The following NCAM2 variants were observed in gnomAD, a reference collection of about 807,000 sequenced individuals.
NCAM2 encodes the protein neural cell adhesion molecule 2.
A neutral mutation model predicts 98.1 loss-of-function variants in NCAM2; 30 were observed. The ratio of observed to expected loss-of-function variants is 0.31; its 90% CI spans 0.23 to 0.41. The LOEUF (loss-of-function observed/expected upper bound fraction) is 0.41, where lower values mean the gene tolerates loss of function less well. Ranked by LOEUF, NCAM2 falls within the 10% of genes least tolerant of loss-of-function variation. The pLI is 1.00. For missense variants in NCAM2, 867 were observed against 1,005.8 expected, an observed-to-expected ratio of 0.86 and a Z score of 1.87; for synonymous variants, 368 against 342.4, an observed-to-expected ratio of 1.07 and a Z score of -0.83.
chr21:21,355,696 A>G lies in NCAM2; in HGVS notation c.1044+17162A>G, dbSNP rs574244533. 6.6e-5 allele frequency among the ~76,000 whole-genome samples: 10 copies of G among 151,210 alleles called. No individual in the cohort carries two copies. The South Asian group carries it at 2.1e-3, about 32-fold the overall frequency. ...AGTGGCACGACCTCGGCTCACTGCA[A>G]CCTCTGCCTCCCGAGTTCAAATGAT... is the stretch of plus-strand genomic sequence containing the variant. On this transcript the variant is annotated intron_variant, in intron 8 of 17. Transcript: ENST00000400546.
chr21:21,147,032 T>C lies in NCAM2; in HGVS notation c.56-133546T>C, dbSNP rs929016486. On this transcript the variant is annotated intron_variant, in intron 1 of 17. Coordinates refer to ENST00000400546, the MANE Select transcript of NCAM2 (RefSeq NM_004540.5). ...GGACTTCCTGAAATCTCGCGCCCTG[T>C]CCCACTCCGGAACTCATACGGCTGC... The C allele has an allele frequency of 1.9e-5, 17 of 912,812 alleles. No individual in the cohort carries two copies. In the South Asian group the frequency reaches 6.1e-4, roughly 33 times the overall value. The allele number at this position is 912,812 out of a possible 1,614,324, so 56.5% of individuals were successfully genotyped here.
intron 12 of NCAM2, among the ~76,000 whole-genome samples, chr21:21,464,327 G>A (rs554941538): frequency 6.6e-6 from 1 of 152,180 alleles, no homozygotes; most frequent in South Asian, 2.1e-4. Context: ...TGATGTTATA[G>A]CACAGTCTGT....
intron 1 of NCAM2, among the ~76,000 whole-genome samples, chr21:21,205,950 G>T (rs1033333965): frequency 6.6e-6 from 1 of 152,070 alleles, no homozygotes; most frequent in East Asian, 1.9e-4. Context: ...TCATAACTTA[G>T]TTAGTTCCCA....
rs531360152 is a variant in NCAM2 at position 21,050,828 on chromosome 21, G to T, written c.55+52210G>T. Among the ~76,000 whole-genome samples the T allele has an allele frequency of 7.9e-5, 12 of 152,256 alleles. No individual in the cohort carries two copies. The South Asian group carries it at 2.1e-3, about 26-fold the overall frequency. On this transcript the variant is annotated intron_variant, in intron 1 of 17. Coordinates refer to ENST00000400546, the MANE Select transcript of NCAM2 (RefSeq NM_004540.5). ...TGCCATACGTAGACACTACAAATGT[G>T]AACTATTTTAGTTATCATTAGTATT...
At chr21:21,286,491 T>G in intron 4 of NCAM2, 79 bp downstream of exon 4, 1 of 1,426,574 alleles carries the variant, frequency 7.0e-7, no homozygotes, top group East Asian at 2.3e-5. Context: ...ATGTGTCTAG[T>G]TGTAGAAATT....
chr21:21,492,800 A>G (rs1335291315), intron 15 of NCAM2, among the ~76,000 whole-genome samples: 1 of 151,922 alleles, frequency 6.6e-6, no homozygotes, highest in Non-Finnish European at 1.5e-5. Context: ...ACAAAATGTT[A>G]AAAACAAGTA....
chr21:21,136,901 A>AT (rs3071999), intron 1 of NCAM2, among the ~76,000 whole-genome samples: 43,000 of 150,646 alleles, frequency 0.29, 6,257 homozygotes, highest in Admixed American at 0.34. Context: ...TAAATAATTG[A>AT]TTTTTTTTTT....
intron 1 of NCAM2, among the ~76,000 whole-genome samples, chr21:21,090,171 T>C (rs2065984709): frequency 1.3e-5 from 2 of 152,206 alleles, no homozygotes; most frequent in Non-Finnish European, 2.9e-5. Context: ...ATCTTCCTAG[T>C]AATGTGTGTG....
chr21:21,160,113 T>C (rs1194926553), intron 1 of NCAM2, among the ~76,000 whole-genome samples: 1 of 152,078 alleles, frequency 6.6e-6, no homozygotes, highest in Non-Finnish European at 1.5e-5. Flanking sequence ...CTTTTAAATA[T>C]ATGTACCGTG....
chr21:21,151,240 G>A (rs1039583585), intron 1 of NCAM2, among the ~76,000 whole-genome samples: 2 of 151,860 alleles, frequency 1.3e-5, no homozygotes, highest in African/African-American at 4.8e-5. Flanking sequence ...TTATGTTCCA[G>A]AATATTAAGT....
At chr21:21,468,881 G>GCATTTATTACCACAATTAC in intron 14 of NCAM2, 98 bp downstream of exon 14, 1 of 1,027,430 alleles carries the variant, frequency 9.7e-7, no homozygotes, top group Non-Finnish European at 1.4e-6. Flanking sequence ...TGTGTATTTA[G>GCATTTATTACCACAATTAC]TAATTGTGGT....
chr21:21,262,286 G>C (rs1038753787), intron 1 of NCAM2, among the ~76,000 whole-genome samples: 1 of 152,080 alleles, frequency 6.6e-6, no homozygotes, highest in African/African-American at 2.4e-5. Flanking sequence ...GTACAAAGCA[G>C]AGCTAGTACT....
intron 1 of NCAM2, among the ~76,000 whole-genome samples, chr21:21,099,117 A>G (rs1005091345): frequency 1.3e-5 from 2 of 151,898 alleles, no homozygotes; most frequent in South Asian, 4.1e-4. Flanking sequence ...AAAGTGGGTG[A>G]AAAAATAAAA....
intron 16 of NCAM2, among the ~76,000 whole-genome samples, chr21:21,524,062 TAAG>T (rs1258055038): frequency 6.9e-6 from 1 of 144,262 alleles, no homozygotes; most frequent in Non-Finnish European, 1.5e-5. Context: ...ACACACACAA[TAAG>T]AATAATGACA....
rs549551753 is a variant in NCAM2, at chr21:21,081,145, T to A, written c.55+82527T>A. On this transcript the variant is annotated intron_variant, in intron 1 of 17. Transcript: ENST00000400546. ...GGGAGGGGAGCATGCACAGTGTGTT[T>A]ACTAGAGTTGTACGCATGCTCACTT... Among the ~76,000 whole-genome samples, 9 of 152,248 alleles carry A rather than the reference T, an allele frequency of 5.9e-5. No individual in the cohort carries two copies. The South Asian group carries it at 1.7e-3, about 28-fold the overall frequency.
intron 12 of NCAM2, among the ~76,000 whole-genome samples, chr21:21,444,407 G>C (rs1979774194): frequency 6.6e-6 from 1 of 152,146 alleles, no homozygotes; most frequent in African/African-American, 2.4e-5. Context: ...AGATAGAATG[G>C]TACCAGCTCC....
intron 11 of NCAM2, among the ~76,000 whole-genome samples, chr21:21,426,981 G>A (rs1337923807): frequency 6.6e-6 from 1 of 152,128 alleles, no homozygotes; most frequent in Non-Finnish European, 1.5e-5. Flanking sequence ...ATTCATGCTA[G>A]CACTTCCTTT....
intron 1 of NCAM2, among the ~76,000 whole-genome samples, chr21:21,009,144 C>A (rs1279368995): frequency 6.6e-6 from 1 of 152,052 alleles, no homozygotes; most frequent in South Asian, 2.1e-4. Context: ...AGAAGCCCGG[C>A]AAATATGTGC....
At chr21:21,306,696 A>G (rs1309117220) in intron 5 of NCAM2, among the ~76,000 whole-genome samples, 1 of 152,132 alleles carries the variant, frequency 6.6e-6, no homozygotes, top group Non-Finnish European at 1.5e-5. Context: ...TGAGTTACAA[A>G]CAATCCAGTT....
Sources: gnomAD v4.1 joint callset for allele counts (sites outside exome capture counted in the v4.1 genomes callset) on GRCh38, gnomAD v4.1.1 for gene constraint, MANE v1.5 for transcripts, NCBI Gene and HGNC (gene_info 2026-07-23, HGNC 2026-07-21) for gene names.